CLDN2: variants seen among roughly 807,000 people sequenced by gnomAD.
CLDN2 encodes the protein claudin 2.
CLDN2 carries 1 observed loss-of-function variant against 8.2 expected under a neutral mutation model. That is an observed-to-expected ratio of 0.12 (90% CI 0.04 to 0.58). The LOEUF (loss-of-function observed/expected upper bound fraction) is 0.58. Among genes scored for constraint, CLDN2 ranks in the 20% least tolerant of loss-of-function variants. The pLI is 0.90. For synonymous variants in CLDN2, 70 were observed against 70.2 expected, an observed-to-expected ratio of 1.00 and a Z score of 0.01; for missense variants, 108 against 172.9, an observed-to-expected ratio of 0.62 and a Z score of 2.11.
At chrX:106,903,188 G>A (rs1030062506) in intron 1 of CLDN2, 1 of 1,211,059 alleles carries the variant, frequency 8.3e-7, no homozygotes, top group Non-Finnish European at 1.1e-6. Flanking sequence ...GGGCTTAACA[G>A]GCCAGGGAGT....
upstream of CLDN2, among the ~76,000 whole-genome samples, chrX:106,919,685 C>T (rs374672117): frequency 1.1e-3 from 118 of 112,050 alleles, no homozygotes; most frequent in Middle Eastern, 4.7e-3. Flanking sequence ...GGTTTAACCG[C>T]GTTGGCCAGG....
At chrX:106,919,433 G>C (rs942312806), upstream of CLDN2, among the ~76,000 whole-genome samples, 2 of 111,227 alleles carry the variant, frequency 1.8e-5, no homozygotes, top group Admixed American at 9.5e-5. Context: ...ATGTTTTTTT[G>C]TTTGTTTGTT....
At chrX:106,924,123 G>A (rs1024266651) in intron 1 of CLDN2, among the ~76,000 whole-genome samples, 1 of 111,431 alleles carries the variant, frequency 9.0e-6, no homozygotes, top group African/African-American at 3.3e-5. Context: ...TAACTTTGGT[G>A]AGAATATTTT....
intron 1 of CLDN2, among the ~76,000 whole-genome samples, chrX:106,912,819 A>G (rs1232212205): frequency 9.0e-6 from 1 of 111,384 alleles, no homozygotes; most frequent in Non-Finnish European, 1.9e-5. Flanking sequence ...AACTGTTACT[A>G]TTTGTTGTCA....
upstream of CLDN2, among the ~76,000 whole-genome samples, chrX:106,918,690 T>C (rs909826229): frequency 2.7e-5 from 3 of 112,195 alleles, no homozygotes; most frequent in African/African-American, 9.7e-5. Flanking sequence ...GCACAGTGCC[T>C]GGCACCTAGC....
At chrX:106,900,998 C>T in intron 1 of CLDN2, 1 of 1,105,572 alleles carries the variant, frequency 9.0e-7, no homozygotes, top group Admixed American at 3.5e-5. Context: ...CCCTAAACCC[C>T]TTCTCTTGGC....
chrX:106,928,125 C>A lies in CLDN2; in HGVS notation c.-104C>A. On this transcript the variant is annotated 5_prime_UTR_variant, in exon 2 of 2. Transcript: ENST00000336803. The stretch of plus-strand genomic sequence containing the variant: ...GTAAGGAGGAGAGAAGTCAGCCTGG[C>A]AGAGAGACTCTGAAATGAGGGATTA... The A allele has an allele frequency of 1.6e-6, 1 of 611,409 alleles. No individual in the cohort carries two copies. The highest frequency in any genetic ancestry group is 2.5e-6 in the Non-Finnish European group (1 of 397,379). 50.4% of individuals were successfully genotyped at this position (611,409 alleles called of 1,213,427 possible).
At chrX:106,914,256 C>T (rs1933284935), upstream of CLDN2, among the ~76,000 whole-genome samples, 1 of 111,150 alleles carries the variant, frequency 9.0e-6, no homozygotes, top group African/African-American at 3.3e-5. Flanking sequence ...CGGCCACAAA[C>T]CCTCTTTTAA....
At chrX:106,918,769 A>G (rs1190977164), upstream of CLDN2, among the ~76,000 whole-genome samples, 3 of 111,799 alleles carry the variant, frequency 2.7e-5, no homozygotes, top group East Asian at 8.5e-4. Flanking sequence ...GGTGTTGTAC[A>G]CTGCAAAGTT....
At chrX:106,907,419 G>A (rs975389659) in intron 1 of CLDN2, among the ~76,000 whole-genome samples, 1 of 112,090 alleles carries the variant, frequency 8.9e-6, no homozygotes, top group Non-Finnish European at 1.9e-5. Context: ...TAAAGGACTA[G>A]GCTGGGTGCT....
At chrX:106,910,311 C>T (rs1360169048) in intron 1 of CLDN2, among the ~76,000 whole-genome samples, 3 of 111,567 alleles carry the variant, frequency 2.7e-5, no homozygotes, top group African/African-American at 9.8e-5. Context: ...CTATTGACTG[C>T]TTACTGTGTG....
upstream of CLDN2, among the ~76,000 whole-genome samples, chrX:106,918,086 G>T (rs953820654): frequency 8.9e-6 from 1 of 112,098 alleles, no homozygotes; most frequent in Non-Finnish European, 1.9e-5. Context: ...CTGCCCCTAA[G>T]ATTCTGCCTT....
At chrX:106,921,334 G>A (rs963577100) in intron 1 of CLDN2, among the ~76,000 whole-genome samples, 1 of 112,490 alleles carries the variant, frequency 8.9e-6, no homozygotes, top group Non-Finnish European at 1.9e-5. Context: ...AAGATGAACT[G>A]CTCTAAGGAC....
upstream of CLDN2, among the ~76,000 whole-genome samples, chrX:106,916,911 G>A (rs754556445): frequency 9.0e-5 from 10 of 111,685 alleles, no homozygotes; most frequent in African/African-American, 3.3e-4. Flanking sequence ...TTAGCTGGGC[G>A]TGGCGGCACA....
At position 106,910,157 on chromosome X, in the gene CLDN2, T is replaced by C. The variant is rs748441344; in HGVS notation, c.-179+9653T>C. Among the ~76,000 whole-genome samples the C allele has an allele frequency of 6.3e-4, 70 of 110,680 alleles. 1 individual carries two copies. Among genetic ancestry groups the C allele is most frequent in the South Asian group, 7.9e-4 (2 of 2,538 alleles). On this transcript the variant is annotated intron_variant, in intron 1 of 1. Coordinates refer to the CLDN2 transcript ENST00000541806. ...CGATGCTGAATTCTCAGTAGTGCGG[T>C]CTTTCCTCTTGTCCTTTTAGTCTTG...
exon 1 of CLDN2, chrX:106,900,356 T>C (rs1395518120): frequency 8.2e-6 from 1 of 122,483 alleles, no homozygotes; most frequent in African/African-American, 3.2e-5. Context: ...GAATGACTAC[T>C]TCCCTCCACA....
chrX:106,901,573 T>C (rs780021319), intron 1 of CLDN2: 50 of 1,184,558 alleles, frequency 4.2e-5, no homozygotes, highest in Non-Finnish European at 5.5e-5. Context: ...TGGCTCAAAG[T>C]ACATGGCTAG....
upstream of CLDN2, among the ~76,000 whole-genome samples, chrX:106,919,223 G>T (rs1003921640): frequency 1.5e-4 from 17 of 111,433 alleles, no homozygotes; most frequent in African/African-American, 4.2e-4. Context: ...AAATCCCATC[G>T]ATATCTTCTA....
intron 1 of CLDN2, among the ~76,000 whole-genome samples, chrX:106,904,301 C>A (rs1180760699): frequency 8.8e-6 from 1 of 113,079 alleles, no homozygotes; most frequent in African/African-American, 3.2e-5. Flanking sequence ...TGGGCCTTTG[C>A]CAGAAAGCTT....
Sources: allele counts gnomAD v4.1 joint callset (sites outside exome capture counted in the v4.1 genomes callset), GRCh38; gene constraint gnomAD v4.1.1; transcripts MANE v1.5; gene names NCBI Gene and HGNC (gene_info 2026-07-23, HGNC 2026-07-21).